Variants in SEMA5A observed in about 807,000 individuals in gnomAD.
The protein encoded by SEMA5A is semaphorin-5A.
In SEMA5A, 55 loss-of-function variants were observed where a neutral mutation model predicts 135.5. That is an observed-to-expected ratio of 0.41 (90% confidence interval 0.33 to 0.51). The LOEUF is 0.51. Among genes scored for constraint, SEMA5A ranks in the 20% least tolerant of loss-of-function variants. The pLI, the probability that SEMA5A is intolerant of heterozygous loss-of-function variation, is 0.37. For missense variants in SEMA5A, 1,290 were observed against 1,419.9 expected (o/e 0.91, Z 1.47); for synonymous variants, 580 against 546.5 (o/e 1.06, Z -0.85).
At chr5:9,339,691 AC>A (rs1270736719) in intron 3 of SEMA5A, among the ~76,000 whole-genome samples, 5 of 152,236 alleles carry the variant, frequency 3.3e-5, no homozygotes, top group Non-Finnish European at 7.3e-5. Flanking sequence ...GTATTTAAAT[AC>A]AAACTGTAGA....
chr5:9,340,294 C>A (rs1561164009), intron 3 of SEMA5A, among the ~76,000 whole-genome samples: 2 of 152,130 alleles, frequency 1.3e-5, no homozygotes, highest in African/African-American at 2.4e-5. Context: ...CTCACAGCCC[C>A]CAGAGCTGGG....
At chr5:9,077,028 A>C (rs1392801784) in intron 16 of SEMA5A, among the ~76,000 whole-genome samples, 1 of 152,164 alleles carries the variant, frequency 6.6e-6, no homozygotes, top group African/African-American at 2.4e-5. Flanking sequence ...TTATCATACA[A>C]TCACCTTCCA....
chr5:9,515,386 G>A (rs563757212), intron 1 of SEMA5A, among the ~76,000 whole-genome samples: 12 of 152,236 alleles, frequency 7.9e-5, no homozygotes, highest in East Asian at 1.9e-4. Flanking sequence ...GTCATGCAAC[G>A]GAAACTTAAA....
chr5:9,459,371 C>A (rs1479960821), intron 1 of SEMA5A, among the ~76,000 whole-genome samples: 1 of 152,248 alleles, frequency 6.6e-6, no homozygotes, highest in Non-Finnish European at 1.5e-5. Context: ...CCCATCTTGG[C>A]AGCTTCCCTT....
chr5:9,164,081 AT>A (rs1271275750), intron 11 of SEMA5A, among the ~76,000 whole-genome samples: 29 of 18,146 alleles, frequency 1.6e-3, no homozygotes, highest in African/African-American at 3.3e-3. Context: ...AATTTATATA[AT>A]TATAAATATA....
chr5:9,157,004 A>T (rs190982131), intron 11 of SEMA5A, among the ~76,000 whole-genome samples: 1 of 152,380 alleles, frequency 6.6e-6, no homozygotes, highest in East Asian at 1.9e-4. Flanking sequence ...TTTTCCAACT[A>T]GTGGGAACTA....
chr5:9,427,381 T>C (rs1483898948), intron 2 of SEMA5A, among the ~76,000 whole-genome samples: 1 of 151,982 alleles, frequency 6.6e-6, no homozygotes, highest in Admixed American at 6.6e-5. Flanking sequence ...TACAACTACA[T>C]ATCAAGTTGA....
At chr5:9,095,967 T>C (rs1482895366) in intron 16 of SEMA5A, among the ~76,000 whole-genome samples, 2 of 152,226 alleles carry the variant, frequency 1.3e-5, no homozygotes, top group African/African-American at 2.4e-5. Context: ...AATGCTACAG[T>C]GAACATGGGA....
In SEMA5A at chr5:9,119,036, G is replaced by A. The variant is rs777269591; in HGVS notation, c.1887C>T (p.His629=). ...TCTGTCCCACGCACACCCGGCCCCC[G>A]TGCCTGGGAGTGGGGTTGCTGCAGG... The part of the protein sequence containing the change: ...QRSCSNPTPR[H]GGRVCVGQNR... Residue 629 remains histidine, a synonymous_variant, in exon 15 of 23, where the codon CAC becomes CAT. Coordinates refer to ENST00000382496, the MANE Select transcript of SEMA5A (RefSeq NM_003966.3). The A allele has an allele frequency of 3.3e-5, 54 of 1,613,454 alleles. No individual in the cohort carries two copies. Among genetic ancestry groups the A allele is most frequent in the Admixed American group, 1.3e-4 (8 of 59,968 alleles).
intron 5 of SEMA5A, among the ~76,000 whole-genome samples, chr5:9,238,278 T>C (rs530481692): frequency 2.0e-5 from 3 of 152,206 alleles, no homozygotes; most frequent in Non-Finnish European, 4.4e-5. Context: ...ATTTAAATAT[T>C]AATTTTAACA....
At chr5:9,082,786 GAGAAATC>G (rs755929923) in intron 16 of SEMA5A, among the ~76,000 whole-genome samples, 2 of 152,162 alleles carry the variant, frequency 1.3e-5, no homozygotes, top group Admixed American at 6.5e-5. Context: ...ATGACCACTG[GAGAAATC>G]ATCCTTTCTT....
At chr5:9,340,606 G>A (rs188979784) in intron 3 of SEMA5A, among the ~76,000 whole-genome samples, 1 of 152,120 alleles carries the variant, frequency 6.6e-6, no homozygotes, top group East Asian at 1.9e-4. Flanking sequence ...GTCATGTACA[G>A]AGGAAAAAAT....
intron 6 of SEMA5A, among the ~76,000 whole-genome samples, chr5:9,230,770 G>A (rs1276076204): frequency 2.0e-5 from 3 of 152,140 alleles, no homozygotes; most frequent in Non-Finnish European, 1.5e-5. Flanking sequence ...GGGTAGTAGT[G>A]TAGTTGGCCC....
intron 1 of SEMA5A, among the ~76,000 whole-genome samples, chr5:9,438,205 A>ATAT (rs1207911983): frequency 6.6e-6 from 1 of 151,852 alleles, no homozygotes; most frequent in Non-Finnish European, 1.5e-5. Context: ...ATTAAGATTC[A>ATAT]TTATATGAAT....
chr5:9,074,193 C>T (rs1483862718), intron 16 of SEMA5A, among the ~76,000 whole-genome samples: 1 of 152,118 alleles, frequency 6.6e-6, no homozygotes, highest in East Asian at 1.9e-4. Flanking sequence ...ATTGACCCAC[C>T]TGTTTATGGC....
chr5:9,286,009 G>C (rs1750776847), intron 5 of SEMA5A, among the ~76,000 whole-genome samples: 1 of 152,144 alleles, frequency 6.6e-6, no homozygotes, highest in Admixed American at 6.5e-5. Context: ...TACTGCATGT[G>C]TTCCATACAT....
intron 1 of SEMA5A, among the ~76,000 whole-genome samples, chr5:9,513,345 T>A (rs1479015434): frequency 6.6e-6 from 1 of 152,108 alleles, no homozygotes; most frequent in Admixed American, 6.6e-5. Context: ...CAAAAAGGCA[T>A]CAAATCCTCT....
At chr5:9,461,579 CA>C (rs1759058544) in intron 1 of SEMA5A, among the ~76,000 whole-genome samples, 1 of 152,084 alleles carries the variant, frequency 6.6e-6, no homozygotes, top group Admixed American at 6.6e-5. Context: ...TGATTTTTTA[CA>C]GTAGAATCAA....
chr5:9,257,106 T>TG (rs1318625092), intron 5 of SEMA5A, among the ~76,000 whole-genome samples: 3 of 152,202 alleles, frequency 2.0e-5, no homozygotes, highest in Non-Finnish European at 4.4e-5. Flanking sequence ...AGCTTATTCA[T>TG]GGCATGGAGG....
Sources: gnomAD v4.1 joint callset for allele counts (sites outside exome capture counted in the v4.1 genomes callset) on GRCh38, gnomAD v4.1.1 for gene constraint, MANE v1.5 for transcripts, NCBI Gene and HGNC (gene_info 2026-07-23, HGNC 2026-07-21) for gene names.